XKR9: variants seen among roughly 807,000 people sequenced by gnomAD.
XKR9 encodes the protein XK-related protein 9.
Under a neutral mutation model 32.0 loss-of-function variants are expected in XKR9, and 32 were observed. The ratio of observed to expected loss-of-function variants is 1.00; its 90% CI spans 0.76 to 1.34. The LOEUF (loss-of-function observed/expected upper bound fraction) is 1.34. XKR9 is among the 40% of genes most tolerant of loss of function. The pLI, the probability that XKR9 is intolerant of heterozygous loss-of-function variation, is 0.00. For synonymous variants in XKR9, 168 were observed against 143.4 expected, an observed-to-expected ratio of 1.17 and a Z score of -1.22; for missense variants, 546 against 429.7, an observed-to-expected ratio of 1.27 and a Z score of -2.39.
At chr8:70,877,770 T>C in the XKR9 span, among the ~76,000 whole-genome samples, 3 of 152,108 alleles carry the variant, frequency 2.0e-5, no homozygotes, top group African/African-American at 7.2e-5. Flanking sequence ...TTCCCCAACA[T>C]AGCAAGGCAG....
the XKR9 span, among the ~76,000 whole-genome samples, chr8:70,846,935 C>T: frequency 1.3e-5 from 2 of 151,986 alleles, no homozygotes; most frequent in African/African-American, 4.8e-5. Flanking sequence ...ATCATCTAGA[C>T]AGAAAATCAA....
the XKR9 span, among the ~76,000 whole-genome samples, chr8:71,025,261 A>G: frequency 1.1e-4 from 17 of 152,166 alleles, no homozygotes; most frequent in Non-Finnish European, 1.8e-4. Context: ...TCTCAGATAG[A>G]TAAGAGCTAT....
the XKR9 span, among the ~76,000 whole-genome samples, chr8:70,912,457 A>G: frequency 6.6e-6 from 1 of 152,058 alleles, no homozygotes; most frequent in Non-Finnish European, 1.5e-5. Flanking sequence ...AGTCTTCTGG[A>G]GGTAAATGAT....
the XKR9 span, among the ~76,000 whole-genome samples, chr8:70,926,238 C>A: frequency 1.3e-5 from 2 of 152,122 alleles, no homozygotes; most frequent in Non-Finnish European, 2.9e-5. Flanking sequence ...CCATGCCCGG[C>A]TTTTGTAGTT....
the XKR9 span, among the ~76,000 whole-genome samples, chr8:70,797,405 A>G: frequency 6.6e-5 from 10 of 152,100 alleles, no homozygotes; most frequent in African/African-American, 2.4e-4. Context: ...TTGGATTTGC[A>G]TGTGGATTCA....
the XKR9 span, among the ~76,000 whole-genome samples, chr8:70,872,520 A>T: frequency 2.0e-5 from 3 of 152,238 alleles, no homozygotes; most frequent in Non-Finnish European, 4.4e-5. Context: ...TACACTAAAG[A>T]ATAGACTTTC....
At chr8:70,747,652 G>A (rs28376252) in intron 2 of XKR9, among the ~76,000 whole-genome samples, 1 of 151,910 alleles carries the variant, frequency 6.6e-6, no homozygotes. Context: ...TATCCAGTTT[G>A]AGGTATTCTG....
chr8:70,713,689 C>A (rs1045686336), intron 4 of XKR9, among the ~76,000 whole-genome samples: 1 of 151,968 alleles, frequency 6.6e-6, no homozygotes, highest in African/African-American at 2.4e-5. Flanking sequence ...AATGAAAATA[C>A]AGGACAATGA....
chr8:71,023,996 A>G, the XKR9 span, among the ~76,000 whole-genome samples: 28 of 152,254 alleles, frequency 1.8e-4, no homozygotes, highest in Non-Finnish European at 2.8e-4. Flanking sequence ...TTGGTAACCA[A>G]TAGAGTGCCC....
intron 4 of XKR9, among the ~76,000 whole-genome samples, chr8:70,732,573 G>A (rs1480537131): frequency 2.0e-5 from 3 of 152,306 alleles, no homozygotes; most frequent in Non-Finnish European, 2.9e-5. Context: ...TCACCTTGCT[G>A]CTGCATGGAC....
the XKR9 span, among the ~76,000 whole-genome samples, chr8:71,047,080 T>C: frequency 0.024 from 3,694 of 152,344 alleles, 152 homozygotes; most frequent in African/African-American, 0.084. Context: ...TGCATTGTTC[T>C]TGACGTTGTT....
the XKR9 span, among the ~76,000 whole-genome samples, chr8:70,824,744 A>G: frequency 1.3e-5 from 2 of 152,044 alleles, no homozygotes; most frequent in African/African-American, 2.4e-5. Context: ...AGGGCAAAAA[A>G]TAGTGTCTAG....
chr8:70,713,257 A>G (rs1446466302), intron 4 of XKR9, among the ~76,000 whole-genome samples: 1 of 152,170 alleles, frequency 6.6e-6, no homozygotes, highest in Non-Finnish European at 1.5e-5. Context: ...ACAAAGAGAT[A>G]GAAAATATGA....
chr8:70,903,792 C>T, the XKR9 span, among the ~76,000 whole-genome samples: 1 of 152,256 alleles, frequency 6.6e-6, no homozygotes, highest in Admixed American at 6.5e-5. Flanking sequence ...ATAAATTTCA[C>T]TCTACACACT....
chr8:71,038,803 A>ATT, the XKR9 span, among the ~76,000 whole-genome samples: 399 of 119,244 alleles, frequency 3.3e-3, 5 homozygotes, highest in African/African-American at 0.012. Context: ...TTGGATGCTG[A>ATT]TTTTTTTTTT....
At chr8:71,052,732 G>A in the XKR9 span, among the ~76,000 whole-genome samples, 1 of 152,118 alleles carries the variant, frequency 6.6e-6, no homozygotes, top group African/African-American at 2.4e-5. Flanking sequence ...CACTCCAAAG[G>A]CACAGTACCT....
At chr8:71,009,663 G>A in the XKR9 span, among the ~76,000 whole-genome samples, 15 of 152,174 alleles carry the variant, frequency 9.9e-5, no homozygotes, top group Non-Finnish European at 1.2e-4. Context: ...GGATGGGGAA[G>A]AAGAGTGCTG....
At chr8:70,731,753 G>A (rs1375884843) in intron 4 of XKR9, among the ~76,000 whole-genome samples, 1 of 152,166 alleles carries the variant, frequency 6.6e-6, no homozygotes, top group Non-Finnish European at 1.5e-5. Flanking sequence ...AGACAGGTCT[G>A]TTGAGCATTC....
intron 1 of XKR9, among the ~76,000 whole-genome samples, chr8:70,672,618 G>A (rs1563413590): frequency 6.6e-6 from 1 of 152,212 alleles, no homozygotes; most frequent in South Asian, 2.1e-4. Flanking sequence ...GTGTGTGTGT[G>A]TGTGTGTATT....
Sources: allele counts gnomAD v4.1 joint callset (sites outside exome capture counted in the v4.1 genomes callset), GRCh38; gene constraint gnomAD v4.1.1; transcripts MANE v1.5; gene names NCBI Gene and HGNC (gene_info 2026-07-23, HGNC 2026-07-21).